The following WASHC5 variants were observed in gnomAD, a reference collection of about 807,000 sequenced individuals.
WASHC5 encodes the protein WASH complex subunit strumpellin.
In WASHC5, 101 loss-of-function variants were observed where a neutral mutation model predicts 150.4. The ratio of observed to expected loss-of-function variants is 0.67; its 90% CI spans 0.57 to 0.79. WASHC5 has a LOEUF of 0.79. Among genes scored for constraint, WASHC5 ranks in the 30% least tolerant of loss-of-function variants. WASHC5 has a pLI of 0.00. For missense variants in WASHC5, 1,195 were observed against 1,396.3 expected (o/e 0.86, Z 2.30); for synonymous variants, 467 against 491.2 (o/e 0.95, Z 0.65).
intron 23 of WASHC5, 144 bp downstream of exon 23, chr8:125,043,680 TA>T (rs779897014): frequency 3.0e-4 from 200 of 673,880 alleles, no homozygotes; most frequent in Non-Finnish European, 4.5e-4. Flanking sequence ...AAATGAATTT[TA>T]AAATGATAAA....
chr8:125,048,164 G>A (rs1019717584), intron 19 of WASHC5, among the ~76,000 whole-genome samples: 4 of 152,122 alleles, frequency 2.6e-5, no homozygotes, highest in Non-Finnish European at 5.9e-5. Context: ...TGGGAACTTC[G>A]GCTTTCTGTC....
intron 4 of WASHC5, 49 bp downstream of exon 4, chr8:125,082,334 C>A (rs375245284): frequency 4.8e-6 from 5 of 1,036,084 alleles, no homozygotes; most frequent in South Asian, 1.3e-5. Flanking sequence ...AAAAGTGATA[C>A]TATGTTTGAT....
chr8:125,080,980 A>G (rs189083619), intron 5 of WASHC5, among the ~76,000 whole-genome samples: 9 of 152,348 alleles, frequency 5.9e-5, no homozygotes, highest in Admixed American at 3.3e-4. Context: ...TTGAAAACTT[A>G]AACAACAAAA....
intron 26 of WASHC5, 189 bp from the exon 27 acceptor site, chr8:125,032,583 T>C (rs1350981348): frequency 1.5e-6 from 1 of 665,642 alleles, no homozygotes; most frequent in African/African-American, 1.8e-5. Context: ...TCCAGGGGTC[T>C]GAAGGATTCA....
chr8:125,042,857 A>AAACAAC (rs764423730), intron 23 of WASHC5, among the ~76,000 whole-genome samples: 1 of 152,076 alleles, frequency 6.6e-6, no homozygotes, highest in Non-Finnish European at 1.5e-5. Flanking sequence ...TTAATGATCC[A>AAACAAC]AACAACAACA....
At chr8:125,068,572 T>C (rs1228416622) in intron 9 of WASHC5, among the ~76,000 whole-genome samples, 1 of 152,224 alleles carries the variant, frequency 6.6e-6, no homozygotes, top group Non-Finnish European at 1.5e-5. Flanking sequence ...TGAGTACTAC[T>C]AGATGCTGAG....
At chr8:125,084,217 G>C (rs184204443) in intron 1 of WASHC5, among the ~76,000 whole-genome samples, 195 bp from the exon 2 acceptor site, 2 of 152,228 alleles carry the variant, frequency 1.3e-5, no homozygotes, top group African/African-American at 4.8e-5. Flanking sequence ...TAACACTCTT[G>C]GCCTCTTCTT....
rs1431615404 is a variant in WASHC5 at position 125,046,146 on chromosome 8, G to C, written c.2504+1061C>G. On this transcript the variant is annotated intron_variant, in intron 20 of 28. Coordinates refer to ENST00000318410, the MANE Select transcript of WASHC5 (RefSeq NM_014846.4). ...ACACAAGATCAACTACACGTGCCTG[G>C]GTGGTCAGAGAACAAAGATCATCGC... Among the ~76,000 whole-genome samples the C allele has an allele frequency of 2.0e-5, 3 of 152,144 alleles. No homozygotes were observed. The East Asian group carries it at 5.8e-4, about 29-fold the overall frequency.
At chr8:125,028,148 A>T (rs964910769) in intron 28 of WASHC5, among the ~76,000 whole-genome samples, 1 of 152,244 alleles carries the variant, frequency 6.6e-6, no homozygotes, top group Admixed American at 6.5e-5. Flanking sequence ...ATTACTAATG[A>T]GAAAGGGATA....
rs1205416632 is a variant in WASHC5 at position 125,049,166 on chromosome 8, T to C, written c.2219A>G (p.Lys740Arg). ...CATGGTCGCTCCCAACTCTTTCAGC[T>C]TGGGCATCAATTCACTTGGCTGTGG... ...PRAKPSELMPKLKELGATMDG... is the reference protein window; with the variant it reads ...PRAKPSELMPRLKELGATMDG... The change falls in exon 19 of 29, where the codon AAG (lysine) becomes AGG (arginine). Residue 740 changes from lysine to arginine, a missense_variant. Around this residue, in one of 3 missense-constraint regions of WASHC5, gnomAD observed 997 missense variants for 1,168.1 expected, o/e 0.85. Coordinates refer to ENST00000318410, the MANE Select transcript of WASHC5 (RefSeq NM_014846.4). The C allele has an allele frequency of 6.2e-7, 1 of 1,614,146 alleles. No homozygotes were observed.
At chr8:125,081,518 C>G in intron 5 of WASHC5, 143 bp downstream of exon 5, 1 of 669,798 alleles carries the variant, frequency 1.5e-6, no homozygotes. Flanking sequence ...GGATTACAGG[C>G]GTTAGCCACT....
chr8:125,051,428 A>G lies in WASHC5; in HGVS notation c.2098-763T>C, dbSNP rs1816234452. Among the ~76,000 whole-genome samples the G allele has an allele frequency of 2.0e-5, 3 of 152,304 alleles. No individual in the cohort carries two copies. The South Asian group carries it at 6.2e-4, about 32-fold the overall frequency. On this transcript the variant is annotated intron_variant, in intron 17 of 28. Coordinates refer to ENST00000318410, the MANE Select transcript of WASHC5 (RefSeq NM_014846.4). Reference sequence around the variant, plus strand: ...AATTAATGGGTTCCATCCAGTTTTGATTGTATTTAAATTTCAAATAAGACA... The same window carrying G: ...AATTAATGGGTTCCATCCAGTTTTGGTTGTATTTAAATTTCAAATAAGACA...
intron 4 of WASHC5, among the ~76,000 whole-genome samples, chr8:125,082,045 T>A (rs1206057303): frequency 6.6e-6 from 1 of 152,252 alleles, no homozygotes; most frequent in Non-Finnish European, 1.5e-5. Context: ...TGTATACCTC[T>A]TCATCATAAA....
chr8:125,069,096 G>A (rs1245507383), intron 9 of WASHC5, among the ~76,000 whole-genome samples: 1 of 152,216 alleles, frequency 6.6e-6, no homozygotes, highest in East Asian at 1.9e-4. Context: ...TAGAGCCCTT[G>A]GCAGGCAATT....
rs1277499447 is a variant in WASHC5 at position 125,056,808 on chromosome 8, T to C, written c.1885A>G (p.Ile629Val). 4 of 1,614,040 alleles carry C rather than the reference T, an allele frequency of 2.5e-6. No individual in the cohort carries two copies. The highest frequency in any genetic ancestry group is 1.3e-5 in the African/African-American group (1 of 74,902). ...LVSYVRKVLQIIPESMFTSLL... is the reference protein window; with the variant it reads ...LVSYVRKVLQVIPESMFTSLL... ...GATGTAAACATGCTTTCTGGGATGA[T>C]CTGCAAAACCTTCAGTGAAAAGGAA... Residue 629 changes from isoleucine to valine, a missense_variant, in exon 16 of 29, where the codon ATC (isoleucine) becomes GTC (valine). Ile to Val is a conservative substitution (Grantham distance 29). This residue lies in a region of WASHC5 where 997 missense variants were observed against 1,168.1 expected (regional missense o/e 0.85). Transcript: ENST00000318410.
rs16900299 is a variant in WASHC5, at chr8:125,059,602, G to A, written c.1522-60C>T. On this transcript the variant is annotated intron_variant, in intron 12 of 28. Coordinates refer to ENST00000318410, the MANE Select transcript of WASHC5 (RefSeq NM_014846.4). ...TGAATGGACTCTATGGTGCTCATTT[G>A]TTCTTGAAAACACTTCAAATAAAGC... 7,023 of 1,317,756 alleles carry A rather than the reference G, an allele frequency of 5.3e-3. 301 individuals carry two copies. In the African/African-American group the frequency reaches 0.091, roughly 17 times the overall value. The allele number at this position is 1,317,756 out of a possible 1,614,324, so 81.6% of individuals were successfully genotyped here.
chr8:125,039,710 A>G lies in WASHC5; in HGVS notation c.2954+85T>C, dbSNP rs1815829316. ...AGACCTTCCACCCAAAAATAACTTA[A>G]AAGAGTAAGAACTGAAGAAACTGGG... On this transcript the variant is annotated intron_variant, in intron 24 of 28. Coordinates refer to ENST00000318410, the MANE Select transcript of WASHC5 (RefSeq NM_014846.4). 6 of 919,800 alleles carry G rather than the reference A, an allele frequency of 6.5e-6. No homozygotes were observed. The Admixed American group carries it at 9.1e-5, about 14-fold the overall frequency. 57.0% of individuals were successfully genotyped at this position (919,800 alleles called of 1,614,324 possible). A position where few individuals can be genotyped will look rare whatever the true frequency, so the allele number is the denominator to read the frequency against.
At chr8:125,039,038 A>G in intron 24 of WASHC5, 79 bp from the exon 25 acceptor site, 1 of 1,440,188 alleles carries the variant, frequency 6.9e-7, no homozygotes, top group African/African-American at 1.4e-5. Flanking sequence ...GCAGTGATGT[A>G]ATCTTTTCAA....
chr8:125,061,198 G>C lies in WASHC5; in HGVS notation c.1409-4C>G, dbSNP rs993863603. 15 of 1,457,496 alleles carry C rather than the reference G, an allele frequency of 1.0e-5. No homozygotes were observed. The highest frequency in any genetic ancestry group is 1.4e-5 in the Non-Finnish European group (15 of 1,038,116). 90.3% of individuals were successfully genotyped at this position (1,457,496 alleles called of 1,614,324 possible). A position where few individuals can be genotyped will look rare whatever the true frequency, so the allele number is the denominator to read the frequency against. On this transcript the variant is annotated splice_region_variant and splice_polypyrimidine_tract_variant and intron_variant, in intron 11 of 28. Transcript: ENST00000318410. The stretch of plus-strand genomic sequence containing the variant: ...CTGAACCAAGCTTGAAGGTTTTCTA[G>C]TAATACAGAAATAAGAAAATACTGA...
Sources: gnomAD v4.1 joint callset for allele counts (sites outside exome capture counted in the v4.1 genomes callset) on GRCh38, gnomAD v4.1.1 for gene constraint, gnomAD v4.1.1 regional missense constraint, MANE v1.5 for transcripts, NCBI Gene and HGNC (gene_info 2026-07-23, HGNC 2026-07-21) for gene names.